Variants in RHBDD1 observed in about 807,000 individuals in gnomAD.
RHBDD1 encodes the protein rhomboid-related protein 4.
Under a neutral mutation model 36.3 loss-of-function variants are expected in RHBDD1, and 38 were observed. The observed-to-expected ratio is 1.05, with a 90% CI of 0.81 to 1.37. The LOEUF is 1.37. Among genes scored for constraint, RHBDD1 ranks in the 40% most tolerant of loss-of-function variants. The pLI, the probability that RHBDD1 is intolerant of heterozygous loss-of-function variation, is 0.00. For synonymous variants in RHBDD1, 151 were observed against 136.5 expected (o/e 1.11, Z -0.74); for missense variants, 393 against 377.6 (o/e 1.04, Z -0.34).
At chr2:226,805,037 A>G in the RHBDD1 span, 1 of 152,312 alleles carries the variant, frequency 6.6e-6, no homozygotes, top group African/African-American at 2.4e-5. Context: ...ATAAATAAAA[A>G]GACAACTAGC....
intron 8 of RHBDD1, among the ~76,000 whole-genome samples, chr2:226,993,230 ACCAGAGGACTCTGTGTTT>A: frequency 6.6e-6 from 1 of 152,224 alleles, no homozygotes; most frequent in Non-Finnish European, 1.5e-5. Context: ...TAAAGAAAAC[ACCAGAGGACTCTGTGTTT>A]CCCTCTGGGA....
In RHBDD1 at chr2:226,836,102, C is replaced by T. The variant is rs13015698; in HGVS notation, c.-392+15C>T. ...TCGTAGAGAGCGTGAGTTTCCGCGT[C>T]TGTTTGGTCCGGCTGCTGTCGTTGG... On this transcript the variant is annotated intron_variant, in intron 1 of 8. Coordinates refer to ENST00000392062, the MANE Select transcript of RHBDD1 (RefSeq NM_001167608.3). 36,725 of 152,780 alleles carry T rather than the reference C, an allele frequency of 0.24. 5,649 individuals are homozygous for T. The highest frequency in any genetic ancestry group is 0.35 in the Non-Finnish European group (24,039 of 68,062). 9.5% of individuals were successfully genotyped at this position (152,780 alleles called of 1,614,324 possible).
intron 8 of RHBDD1, among the ~76,000 whole-genome samples, chr2:226,928,829 C>T (rs1422883452): frequency 1.3e-5 from 2 of 151,982 alleles, no homozygotes; most frequent in Admixed American, 6.6e-5. Context: ...ACACTACAAC[C>T]ATCACCACAG....
intron 8 of RHBDD1, among the ~76,000 whole-genome samples, chr2:226,934,534 C>G (rs1396663781): frequency 6.6e-6 from 1 of 152,064 alleles, no homozygotes; most frequent in Non-Finnish European, 1.5e-5. Context: ...ATAATAGTAC[C>G]TGGCCATAAT....
the RHBDD1 span, among the ~76,000 whole-genome samples, chr2:226,811,449 G>A: frequency 2.0e-5 from 3 of 152,186 alleles, no homozygotes; most frequent in African/African-American, 7.2e-5. Context: ...TTACAGGTGT[G>A]CACCACCATG....
intron 3 of RHBDD1, among the ~76,000 whole-genome samples, chr2:226,841,546 C>T (rs891102236): frequency 5.9e-5 from 9 of 152,174 alleles, no homozygotes; most frequent in Non-Finnish European, 1.0e-4. Context: ...TAAGTGAGAA[C>T]ATGCAGTGTT....
At position 226,838,609 on chromosome 2, in the gene RHBDD1, G is replaced by A. The variant is rs189352982; in HGVS notation, c.-310+455G>A. Among the ~76,000 whole-genome samples, 10 of 152,284 alleles carry A rather than the reference G, an allele frequency of 6.6e-5. No individual in the cohort carries two copies. The East Asian group carries it at 1.9e-3, about 29-fold the overall frequency. ...CACAGAGGCTCAGTAAATGTTGTGTGTCGGACAAAGGGAAAAAAGGTATTT... is the reference window on the plus strand; with the variant it reads ...CACAGAGGCTCAGTAAATGTTGTGTATCGGACAAAGGGAAAAAAGGTATTT... On this transcript the variant is annotated intron_variant, in intron 2 of 8. Coordinates refer to ENST00000392062, the MANE Select transcript of RHBDD1 (RefSeq NM_001167608.3).
intron 5 of RHBDD1, among the ~76,000 whole-genome samples, chr2:226,900,549 AATAAT>A (rs1275505325): frequency 6.6e-5 from 10 of 152,292 alleles, no homozygotes; most frequent in African/African-American, 2.4e-4. Context: ...TTTAGGATAT[AATAAT>A]ATATTTATTG....
chr2:226,912,956 G>A (rs986806985), intron 7 of RHBDD1, among the ~76,000 whole-genome samples: 9 of 152,080 alleles, frequency 5.9e-5, no homozygotes, highest in East Asian at 3.8e-4. Flanking sequence ...TTTGTCATTC[G>A]TTGTTTATAT....
chr2:226,954,922 G>A (rs1394897209), intron 8 of RHBDD1, among the ~76,000 whole-genome samples: 1 of 152,022 alleles, frequency 6.6e-6, no homozygotes, highest in African/African-American at 2.4e-5. Context: ...ATGGCGGGAT[G>A]TGTTAGGGGT....
chr2:226,882,460 AGAAG>A (rs1235843574), intron 5 of RHBDD1, among the ~76,000 whole-genome samples: 2 of 150,608 alleles, frequency 1.3e-5, no homozygotes, highest in Non-Finnish European at 3.0e-5. Flanking sequence ...AAAAAGAAGA[AGAAG>A]AAGAAGAAAA....
chr2:226,956,162 A>G (rs1299889791), intron 8 of RHBDD1, among the ~76,000 whole-genome samples: 1 of 151,970 alleles, frequency 6.6e-6, no homozygotes, highest in Non-Finnish European at 1.5e-5. Flanking sequence ...CTGTTTCTCA[A>G]TCTCTTGGTG....
intron 3 of RHBDD1, among the ~76,000 whole-genome samples, chr2:226,845,004 C>T (rs549510776): frequency 7.0e-4 from 106 of 152,108 alleles, no homozygotes; most frequent in African/African-American, 2.5e-3. Context: ...AAGAATTTTG[C>T]CAGCTGATGC....
At chr2:226,837,354 C>T (rs1344433998) in intron 1 of RHBDD1, among the ~76,000 whole-genome samples, 1 of 152,184 alleles carries the variant, frequency 6.6e-6, no homozygotes, top group African/African-American at 2.4e-5. Context: ...GATATTGGGA[C>T]TGCTGCTTAG....
intron 5 of RHBDD1, among the ~76,000 whole-genome samples, chr2:226,897,432 G>A (rs1424847758): frequency 6.6e-6 from 1 of 152,132 alleles, no homozygotes; most frequent in Non-Finnish European, 1.5e-5. Flanking sequence ...TTTGATGAGT[G>A]AATGAATGAA....
At chr2:226,880,662 T>A (rs1945648026) in intron 5 of RHBDD1, among the ~76,000 whole-genome samples, 1 of 152,198 alleles carries the variant, frequency 6.6e-6, no homozygotes, top group African/African-American at 2.4e-5. Context: ...TCCCATTCCC[T>A]GACCCACCGT....
At chr2:226,801,550 C>A in the RHBDD1 span, among the ~76,000 whole-genome samples, 1 of 152,148 alleles carries the variant, frequency 6.6e-6, no homozygotes, top group Non-Finnish European at 1.5e-5. Flanking sequence ...CGTCATGCAG[C>A]CTCATCTAAA....
chr2:226,831,985 TTTGA>T (rs1333556506), upstream of RHBDD1, among the ~76,000 whole-genome samples: 1 of 151,890 alleles, frequency 6.6e-6, no homozygotes, highest in East Asian at 1.9e-4. Flanking sequence ...AAAACAAACT[TTTGA>T]TTTTCATTTT....
chr2:226,960,833 G>A (rs2149264526), intron 8 of RHBDD1, among the ~76,000 whole-genome samples: 1 of 152,240 alleles, frequency 6.6e-6, no homozygotes, highest in Non-Finnish European at 1.5e-5. Flanking sequence ...TCTTTCCACT[G>A]TCAGAGATTC....
Sources: allele counts gnomAD v4.1 joint callset (sites outside exome capture counted in the v4.1 genomes callset), GRCh38; gene constraint gnomAD v4.1.1; transcripts MANE v1.5; gene names NCBI Gene and HGNC (gene_info 2026-07-23, HGNC 2026-07-21).